The following SYNE2 variants were observed in gnomAD, a reference collection of about 807,000 sequenced individuals.
SYNE2 encodes the protein spectrin repeat containing nuclear envelope protein 2, also known as nesprin-2.
In SYNE2, 431 loss-of-function variants were observed where a neutral mutation model predicts 856.3. The ratio of observed to expected loss-of-function variants is 0.50; its 90% confidence interval spans 0.47 to 0.55. SYNE2 has a LOEUF of 0.55. Ranked by LOEUF, SYNE2 falls within the 20% of genes least tolerant of loss-of-function variation. SYNE2 has a pLI of 0.00. For synonymous variants in SYNE2, 2,923 were observed against 2,872.3 expected, an observed-to-expected ratio of 1.02 and a Z score of -0.56; for missense variants, 8,129 against 8,023.2, an observed-to-expected ratio of 1.01 and a Z score of -0.50.
intron 96 of SYNE2, among the ~76,000 whole-genome samples, chr14:64,185,698 T>C (rs897969455): frequency 6.6e-6 from 1 of 151,978 alleles, no homozygotes; most frequent in Non-Finnish European, 1.5e-5. Flanking sequence ...TTTTTGTATT[T>C]TTAGTAGAGA....
At chr14:64,140,622 CA>C (rs2098131642) in intron 80 of SYNE2, among the ~76,000 whole-genome samples, 1 of 152,086 alleles carries the variant, frequency 6.6e-6, no homozygotes, top group South Asian at 2.1e-4. Context: ...TTTACAAATA[CA>C]AAAAATACAA....
Position 64,128,435 on chromosome 14 carries a change from C to T in SYNE2, c.13918-17C>T, listed in dbSNP as rs201636300. The T allele has an allele frequency of 9.9e-5, 140 of 1,407,970 alleles. No individual in the cohort carries two copies. Among genetic ancestry groups the T allele is most frequent in the Admixed American group, 6.9e-4 (41 of 59,758 alleles). The allele number at this position is 1,407,970 out of a possible 1,614,324, so 87.2% of individuals were successfully genotyped here. On this transcript the variant is annotated splice_polypyrimidine_tract_variant and intron_variant, in intron 73 of 115. Coordinates refer to ENST00000555002, the MANE Select transcript of SYNE2 (RefSeq NM_182914.3). ...GGCCTAAATGAGATTGCTCAGTTTC[C>T]GACATTTATCTTACAGAATGAAATA...
intron 45 of SYNE2, among the ~76,000 whole-genome samples, chr14:64,044,065 C>T (rs532804131): frequency 9.6e-4 from 147 of 152,342 alleles, no homozygotes; most frequent in Admixed American, 4.6e-3. Flanking sequence ...GATCCACTGA[C>T]AGCTTGCACT....
chr14:64,061,221 C>T (rs530428255), intron 49 of SYNE2, among the ~76,000 whole-genome samples: 1 of 152,180 alleles, frequency 6.6e-6, no homozygotes, highest in Non-Finnish European at 1.5e-5. Flanking sequence ...CTCCTGCATA[C>T]CTCACTTCAT....
chr14:64,016,557 C>T lies in SYNE2; in HGVS notation c.4813C>T (p.Leu1605=). ...NQVCKNLQFY[L]NKMKTFEEPP... The stretch of plus-strand genomic sequence containing the variant: ...GGTCTGCAAAAATCTACAATTTTAT[C>T]TAAATAAAATGAAAACTTTTGAAGA... Residue 1605 remains leucine, a synonymous_variant, in exon 33 of 116, where the codon CTA becomes TTA. Coordinates refer to ENST00000555002, the MANE Select transcript of SYNE2 (RefSeq NM_182914.3). The T allele has an allele frequency of 6.3e-7, 1 of 1,599,716 alleles. No homozygotes were observed. Among genetic ancestry groups the T allele is most frequent in the Non-Finnish European group, 8.5e-7 (1 of 1,169,800 alleles).
At position 63,998,219 on chromosome 14, in the gene SYNE2, G is replaced by A. The variant is rs1376378916; in HGVS notation, c.3244G>A (p.Ala1082Thr). ...TTTACTATTTTGCATATTCCCTTAG[G>A]CAATGGAACCCACTATGAAGTTTAG... ...KSDNQPSTEK[A>T]MEPTMKFSLA... Residue 1082 changes from alanine to threonine, a missense_variant and splice_region_variant, in exon 26 of 116, where the codon GCA becomes ACA. Around this residue, in one of 3 missense-constraint regions of SYNE2, gnomAD observed 2,422 missense variants for 2,357.4 expected, o/e 1.03. Transcript: ENST00000555002. 1 of 1,608,016 alleles carries A rather than the reference G, an allele frequency of 6.2e-7. No homozygotes were observed. The highest frequency in any genetic ancestry group is 2.2e-5 in the East Asian group (1 of 44,820).
intron 2 of SYNE2, among the ~76,000 whole-genome samples, chr14:63,920,395 G>A (rs1009817345): frequency 1.3e-5 from 2 of 151,708 alleles, no homozygotes; most frequent in Admixed American, 6.6e-5. Flanking sequence ...GGCAGGAGAG[G>A]CCAGAAGATG....
intron 8 of SYNE2, chr14:63,960,906 A>G (rs2096304936): frequency 7.0e-6 from 4 of 574,838 alleles, no homozygotes; most frequent in Non-Finnish European, 1.3e-5. Context: ...GATAAATAAG[A>G]TTTTGTAGTC....
Position 64,020,848 on chromosome 14 carries a change from C to T in SYNE2, c.5152-467C>T, listed in dbSNP as rs1256815864. The stretch of plus-strand genomic sequence containing the variant: ...AGTTAAGACCTTCTGGGTGAGGTTC[C>T]GGCTGTACTACCTACTAGCTTTATA... On this transcript the variant is annotated intron_variant, in intron 35 of 115. Coordinates refer to ENST00000555002, the MANE Select transcript of SYNE2 (RefSeq NM_182914.3). 2.0e-5 allele frequency among the ~76,000 whole-genome samples: 3 copies of T among 152,080 alleles called. No homozygotes were observed. In the East Asian group the frequency reaches 5.8e-4, roughly 29 times the overall value.
At chr14:64,151,901 C>T (rs1217254222) in intron 84 of SYNE2, among the ~76,000 whole-genome samples, 3 of 152,122 alleles carry the variant, frequency 2.0e-5, no homozygotes, top group Non-Finnish European at 1.5e-5. Flanking sequence ...CAGCTCCGAC[C>T]GTCCTTCCTC....
At chr14:63,807,493 G>C (rs923203992) in intron 1 of SYNE2, among the ~76,000 whole-genome samples, 48 of 152,020 alleles carry the variant, frequency 3.2e-4, no homozygotes, top group African/African-American at 1.2e-3. Context: ...ATCTTGTGTG[G>C]TCAAAGCTGT....
chr14:63,917,659 G>A (rs547825676), intron 2 of SYNE2, among the ~76,000 whole-genome samples: 43 of 151,844 alleles, frequency 2.8e-4, no homozygotes, highest in South Asian at 4.2e-4. Context: ...TAGTAGAGAC[G>A]GGGTTTCTCC....
chr14:63,989,438 A>G (rs988516015), intron 19 of SYNE2, among the ~76,000 whole-genome samples: 1 of 152,034 alleles, frequency 6.6e-6, no homozygotes, highest in Non-Finnish European at 1.5e-5. Flanking sequence ...CCCAGGTTCA[A>G]GAGATTCTTC....
At chr14:63,920,499 G>T (rs1323845376) in intron 2 of SYNE2, among the ~76,000 whole-genome samples, 2 of 150,430 alleles carry the variant, frequency 1.3e-5, no homozygotes, top group Admixed American at 6.7e-5. Flanking sequence ...AAGAGATGAG[G>T]GGTCATATAA....
At chr14:64,124,913 G>A (rs1331632471) in intron 70 of SYNE2, among the ~76,000 whole-genome samples, 166 bp from the exon 71 acceptor site, 1 of 152,184 alleles carries the variant, frequency 6.6e-6, no homozygotes, top group Non-Finnish European at 1.5e-5. Flanking sequence ...TGAGGTAGGA[G>A]AATCTCTTGA....
At chr14:64,137,001 C>T (rs1453830008) in intron 78 of SYNE2, among the ~76,000 whole-genome samples, 1 of 152,124 alleles carries the variant, frequency 6.6e-6, no homozygotes, top group African/African-American at 2.4e-5. Flanking sequence ...GAGATGCAGA[C>T]CAACAATTGC....
chr14:64,182,364 AT>A (rs1164426587), intron 96 of SYNE2, among the ~76,000 whole-genome samples: 4 of 151,444 alleles, frequency 2.6e-5, no homozygotes, highest in African/African-American at 4.9e-5. Context: ...TAATTTATTT[AT>A]TTATTTTTTA....
intron 8 of SYNE2, chr14:63,956,387 A>C (rs1332283614): frequency 2.2e-6 from 1 of 456,304 alleles, no homozygotes; most frequent in Non-Finnish European, 4.4e-6. Flanking sequence ...TAATTTGTGC[A>C]TTTATATGAT....
intron 104 of SYNE2, 87 bp downstream of exon 104, chr14:64,212,185 C>G (rs2098645140): frequency 6.3e-7 from 1 of 1,598,406 alleles, no homozygotes; most frequent in African/African-American, 1.3e-5. Context: ...ACACGATACT[C>G]TGAGAGCAAA....
Sources: gnomAD v4.1 joint callset for allele counts (sites outside exome capture counted in the v4.1 genomes callset) on GRCh38, gnomAD v4.1.1 for gene constraint, gnomAD v4.1.1 regional missense constraint, MANE v1.5 for transcripts, NCBI Gene and HGNC (gene_info 2026-07-23, HGNC 2026-07-21) for gene names.